The following COLEC10 variants were observed in gnomAD, a reference collection of about 807,000 sequenced individuals.
The protein encoded by COLEC10 is collectin-10.
In COLEC10, 22 loss-of-function variants were observed where a neutral mutation model predicts 28.4. That is an observed-to-expected ratio of 0.78 (90% confidence interval 0.55 to 1.11). The LOEUF is 1.11. COLEC10 is among the 50% of genes least tolerant of loss of function. COLEC10 has a pLI of 0.00. For missense variants in COLEC10, 361 were observed against 344.1 expected, an observed-to-expected ratio of 1.05 and a Z score of -0.39; for synonymous variants, 125 against 116.1, an observed-to-expected ratio of 1.08 and a Z score of -0.49.
At chr8:118,957,594 C>T in the COLEC10 span, among the ~76,000 whole-genome samples, 3 of 152,292 alleles carry the variant, frequency 2.0e-5, no homozygotes, top group East Asian at 5.8e-4. Flanking sequence ...TCAGTTGAAT[C>T]TATGGACAGT....
intron 2 of COLEC10, among the ~76,000 whole-genome samples, chr8:119,026,033 T>C (rs1337943655): frequency 6.6e-6 from 1 of 152,214 alleles, no homozygotes; most frequent in African/African-American, 2.4e-5. Context: ...TGTGATTGAC[T>C]AGTTTCTGTT....
At chr8:119,057,752 A>G in intron 2 of COLEC10, among the ~76,000 whole-genome samples, 1 of 152,114 alleles carries the variant, frequency 6.6e-6, no homozygotes, top group East Asian at 1.9e-4. Flanking sequence ...ATATGCCTAT[A>G]CAATTATTCA....
chr8:118,956,763 C>G, the COLEC10 span, among the ~76,000 whole-genome samples: 1 of 152,166 alleles, frequency 6.6e-6, no homozygotes, highest in Non-Finnish European at 1.5e-5. Context: ...ATTGATGTAA[C>G]TTGATCATCT....
At chr8:119,010,951 AATTCTCTTGCT>A (rs1467118161) in intron 2 of COLEC10, among the ~76,000 whole-genome samples, 1 of 150,864 alleles carries the variant, frequency 6.6e-6, no homozygotes, top group Non-Finnish European at 1.5e-5. Flanking sequence ...ATTCTCTTTC[AATTCTCTTGCT>A]AGTGTCTTTT....
intron 1 of COLEC10, among the ~76,000 whole-genome samples, chr8:119,072,426 A>G (rs1339865083): frequency 6.6e-6 from 1 of 152,164 alleles, no homozygotes; most frequent in Non-Finnish European, 1.5e-5. Context: ...TTGAGGAAAA[A>G]TACTTTATTA....
At chr8:118,975,662 C>A in the COLEC10 span, among the ~76,000 whole-genome samples, 4 of 151,902 alleles carry the variant, frequency 2.6e-5, no homozygotes, top group African/African-American at 7.3e-5. Flanking sequence ...ATTAATCTTG[C>A]CTTCTCTCTA....
At chr8:119,014,828 T>C (rs1206066832) in intron 2 of COLEC10, among the ~76,000 whole-genome samples, 1 of 151,112 alleles carries the variant, frequency 6.6e-6, no homozygotes, top group Non-Finnish European at 1.5e-5. Context: ...ACGCAGATTT[T>C]TTTCCCTCTA....
chr8:119,033,398 G>A (rs913413099), intron 2 of COLEC10, among the ~76,000 whole-genome samples: 1 of 152,108 alleles, frequency 6.6e-6, no homozygotes, highest in African/African-American at 2.4e-5. Flanking sequence ...TTGACAAATG[G>A]GATCTTATTA....
the COLEC10 span, among the ~76,000 whole-genome samples, chr8:118,975,065 C>A: frequency 6.6e-6 from 1 of 151,972 alleles, no homozygotes; most frequent in Non-Finnish European, 1.5e-5. Context: ...ACTTCCATGC[C>A]CTTCGGGGTT....
At chr8:118,985,137 C>T in the COLEC10 span, among the ~76,000 whole-genome samples, 1 of 151,988 alleles carries the variant, frequency 6.6e-6, no homozygotes, top group Non-Finnish European at 1.5e-5. Flanking sequence ...AGAGCATGGC[C>T]CTTCCAAAAC....
chr8:119,023,184 A>G (rs188853779), intron 2 of COLEC10, among the ~76,000 whole-genome samples: 22 of 152,222 alleles, frequency 1.4e-4, no homozygotes, highest in Admixed American at 1.2e-3. Context: ...ATGCTTGTCT[A>G]TTCTTTTCTG....
rs565644043 is a variant in COLEC10, at chr8:119,039,595, A to G, written n.235+30042A>G. Among the ~76,000 whole-genome samples the G allele has an allele frequency of 4.0e-4, 61 of 152,322 alleles. 2 individuals are homozygous for G. In the South Asian group the frequency reaches 4.1e-3, roughly 10 times the overall value. On this transcript the variant is annotated intron_variant and non_coding_transcript_variant, in intron 2 of 6. Coordinates refer to the COLEC10 transcript ENST00000521788. ...TTTCTTTTTGCTACTGTAACAAATT[A>G]CCATATAATGGCAACAATTACAATT...
chr8:119,070,092 T>G (rs895375748), intron 1 of COLEC10, among the ~76,000 whole-genome samples: 1 of 151,270 alleles, frequency 6.6e-6, no homozygotes, highest in Non-Finnish European at 1.5e-5. Flanking sequence ...TAAAGTCTTA[T>G]TTCCCAGACA....
rs368718411 is a variant in COLEC10 at position 119,089,730 on chromosome 8, G to C, written c.199G>C (p.Val67Leu). 7 of 1,613,750 alleles carry C rather than the reference G, an allele frequency of 4.3e-6. No individual in the cohort carries two copies. Among genetic ancestry groups the C allele is most frequent in the Non-Finnish European group, 5.9e-6 (7 of 1,179,718 alleles). Residue 67 changes from valine to leucine, a missense_variant, in exon 2 of 6, where the codon GTG (valine) becomes CTG (leucine). Around this residue, in one of 3 missense-constraint regions of COLEC10, gnomAD observed 335 missense variants for 308.5 expected, o/e 1.09. Transcript: ENST00000332843. ...AGGAGAAGAGGGAAAGCATGGCAAA[G>C]TGGGACGCATGGGGCCGAAAGGTAA... ...DPGEEGKHGKVGRMGPKGIKG... is the reference protein window; with the variant it reads ...DPGEEGKHGKLGRMGPKGIKG...
chr8:118,989,726 A>ATGTG, the COLEC10 span, among the ~76,000 whole-genome samples: 8 of 151,316 alleles, frequency 5.3e-5, no homozygotes, highest in East Asian at 1.9e-4. Flanking sequence ...AAAAATTTGC[A>ATGTG]TGTGTGTGTG....
intron 1 of COLEC10, chr8:119,068,916 A>C (rs139550626): frequency 1.1e-4 from 17 of 151,976 alleles, no homozygotes; most frequent in African/African-American, 4.1e-4. Flanking sequence ...ATGGACTCCA[A>C]ATTTTATTTT....
chr8:119,094,872 C>A (rs1163347719), intron 3 of COLEC10, among the ~76,000 whole-genome samples: 3 of 152,062 alleles, frequency 2.0e-5, no homozygotes, highest in South Asian at 2.1e-4. Flanking sequence ...CCAACAACAA[C>A]AAAAATCTAC....
At chr8:118,960,432 G>T in the COLEC10 span, among the ~76,000 whole-genome samples, 10,062 of 152,188 alleles carry the variant, frequency 0.066, 363 homozygotes, top group East Asian at 0.12. Flanking sequence ...TGATAGCAAG[G>T]TTATGCAATG....
At chr8:119,040,660 A>G (rs531373933) in intron 2 of COLEC10, among the ~76,000 whole-genome samples, 1 of 152,204 alleles carries the variant, frequency 6.6e-6, no homozygotes, top group Non-Finnish European at 1.5e-5. Context: ...GAAGACATAC[A>G]ATCAAGGCTT....
Sources: gnomAD v4.1 joint callset for allele counts (sites outside exome capture counted in the v4.1 genomes callset) on GRCh38, gnomAD v4.1.1 for gene constraint, gnomAD v4.1.1 regional missense constraint, MANE v1.5 for transcripts, NCBI Gene and HGNC (gene_info 2026-07-23, HGNC 2026-07-21) for gene names.